Variants in FOXN3 observed in about 807,000 individuals in gnomAD.
The protein encoded by FOXN3 is forkhead box protein N3.
A neutral mutation model predicts 38.4 loss-of-function variants in FOXN3; 7 were observed. The observed-to-expected ratio is 0.18, with a 90% CI of 0.10 to 0.34. FOXN3 has a LOEUF of 0.34. Ranked by LOEUF, FOXN3 falls within the 10% of genes least tolerant of loss-of-function variation. The pLI, the probability that FOXN3 is intolerant of heterozygous loss-of-function variation, is 1.00. For missense variants in FOXN3, 456 were observed against 613.4 expected (o/e 0.74, Z 2.71); for synonymous variants, 230 against 242.2 (o/e 0.95, Z 0.47).
chr14:89,504,879 A>G (rs1893878905), intron 1 of FOXN3, among the ~76,000 whole-genome samples: 1 of 152,182 alleles, frequency 6.6e-6, no homozygotes, highest in Non-Finnish European at 1.5e-5. Context: ...CCTGATGCCC[A>G]GAGCTCTTGG....
chr14:89,210,321 C>T lies in FOXN3; in HGVS notation c.746-29515G>A, dbSNP rs530568414. ...GCCCCTCTCACCCTCCTATGAAATG[C>T]CAGCTCTCCCTTTACCTTCCTCCAT... On this transcript the variant is annotated intron_variant, in intron 4 of 5. Transcript: ENST00000557258. Among the ~76,000 whole-genome samples the T allele has an allele frequency of 2.0e-5, 3 of 152,224 alleles. No individual in the cohort carries two copies. The East Asian group carries it at 5.8e-4, about 30-fold the overall frequency.
intron 4 of FOXN3, among the ~76,000 whole-genome samples, chr14:89,202,626 T>C (rs1053875745): frequency 4.6e-5 from 7 of 152,156 alleles, no homozygotes; most frequent in Admixed American, 2.0e-4. Context: ...AGAGCTGTCC[T>C]TGTGGTCATG....
At chr14:89,574,251 A>G (rs1183376370) in intron 1 of FOXN3, among the ~76,000 whole-genome samples, 1 of 152,190 alleles carries the variant, frequency 6.6e-6, no homozygotes, top group African/African-American at 2.4e-5. Context: ...TGGGCAGCCA[A>G]CATCAGCAAC....
chr14:89,509,167 A>G (rs1200928125), intron 1 of FOXN3, among the ~76,000 whole-genome samples: 1 of 152,092 alleles, frequency 6.6e-6, no homozygotes, highest in Non-Finnish European at 1.5e-5. Context: ...CTGGCTGAGC[A>G]TCGACCTGCC....
chr14:89,608,252 T>C, intron 1 of FOXN3, among the ~76,000 whole-genome samples: 1 of 152,268 alleles, frequency 6.6e-6, no homozygotes, highest in Admixed American at 6.5e-5. Context: ...CACCTCGGCC[T>C]CCCAAAGTGC....
chr14:89,579,973 T>C (rs1462183213), intron 1 of FOXN3, among the ~76,000 whole-genome samples: 1 of 146,886 alleles, frequency 6.8e-6, no homozygotes, highest in Non-Finnish European at 1.5e-5. Flanking sequence ...TCTAACTTTA[T>C]GAGATAGATT....
chr14:89,546,329 CTT>C (rs1157998619), intron 1 of FOXN3, among the ~76,000 whole-genome samples: 13 of 78,328 alleles, frequency 1.7e-4, no homozygotes, highest in South Asian at 1.5e-3. Flanking sequence ...TTTCCTTTTT[CTT>C]TTTTTTTTTT....
intron 1 of FOXN3, among the ~76,000 whole-genome samples, chr14:89,517,896 C>A (rs1268102515): frequency 6.6e-6 from 1 of 152,198 alleles, no homozygotes; most frequent in Non-Finnish European, 1.5e-5. Flanking sequence ...CTTATTTCTT[C>A]ACTGAAGGCT....
intron 1 of FOXN3, among the ~76,000 whole-genome samples, chr14:89,494,412 C>T (rs963014275): frequency 2.0e-5 from 3 of 152,186 alleles, no homozygotes; most frequent in South Asian, 2.1e-4. Flanking sequence ...CCTGAAAATA[C>T]GGATGGCTGA....
At chr14:89,207,950 G>C (rs1888427846) in intron 4 of FOXN3, among the ~76,000 whole-genome samples, 1 of 151,994 alleles carries the variant, frequency 6.6e-6, no homozygotes, top group Non-Finnish European at 1.5e-5. Context: ...AGCGTGAGAA[G>C]CACAGCAGGC....
At chr14:89,166,619 A>G (rs1887249266) in intron 5 of FOXN3, among the ~76,000 whole-genome samples, 1 of 152,244 alleles carries the variant, frequency 6.6e-6, no homozygotes. Flanking sequence ...CAGAAAACCA[A>G]TACATCCACT....
chr14:89,611,306 C>T (rs1218127886), intron 1 of FOXN3, among the ~76,000 whole-genome samples: 2 of 152,194 alleles, frequency 1.3e-5, no homozygotes, highest in Non-Finnish European at 2.9e-5. Context: ...TATCTTAACA[C>T]CTGAGTTTGT....
At chr14:89,190,194 A>G (rs539097413) in intron 4 of FOXN3, among the ~76,000 whole-genome samples, 4 of 152,250 alleles carry the variant, frequency 2.6e-5, no homozygotes, top group Admixed American at 6.5e-5. Context: ...ACACCTATGC[A>G]TTCATTCATA....
In FOXN3 at chr14:89,439,997, A is replaced by T. The variant is rs572841238; in HGVS notation, c.-14-27507T>A. On this transcript the variant is annotated intron_variant, in intron 1 of 6. Coordinates refer to the FOXN3 transcript ENST00000345097. ...AACTTGCTTTCACTTTACTCTATGG[A>T]CTCGCCTTGAATTATTTCTTGTGCC... Among the ~76,000 whole-genome samples, 4 of 151,676 alleles carry T rather than the reference A, an allele frequency of 2.6e-5. No homozygotes were observed. The East Asian group carries it at 5.8e-4, about 22-fold the overall frequency.
intron 2 of FOXN3, among the ~76,000 whole-genome samples, chr14:89,395,639 AG>A (rs1180141445): frequency 6.6e-6 from 1 of 152,158 alleles, no homozygotes; most frequent in Non-Finnish European, 1.5e-5. Flanking sequence ...CCTGATGCCT[AG>A]CATAAGCCTG....
intron 4 of FOXN3, among the ~76,000 whole-genome samples, chr14:89,266,031 A>G (rs1885969634): frequency 6.6e-6 from 1 of 152,294 alleles, no homozygotes; most frequent in South Asian, 2.1e-4. Context: ...CAACCTTGGG[A>G]TCTTCCCAAA....
At chr14:89,171,138 AC>A (rs1887378628) in intron 5 of FOXN3, among the ~76,000 whole-genome samples, 2 of 152,310 alleles carry the variant, frequency 1.3e-5, no homozygotes, top group African/African-American at 4.8e-5. Flanking sequence ...GGACATAGTT[AC>A]AAAAGATGTT....
At chr14:89,385,241 A>G (rs1177652246) in intron 2 of FOXN3, among the ~76,000 whole-genome samples, 1 of 152,292 alleles carries the variant, frequency 6.6e-6, no homozygotes, top group East Asian at 1.9e-4. Context: ...GCCAATAAAG[A>G]ATACTGGCTA....
At chr14:89,461,143 C>T (rs914501590) in intron 1 of FOXN3, among the ~76,000 whole-genome samples, 3 of 151,784 alleles carry the variant, frequency 2.0e-5, no homozygotes, top group Admixed American at 6.6e-5. Context: ...ACCATCATGG[C>T]CAACCAACAT....
Sources: gnomAD v4.1 joint callset for allele counts (sites outside exome capture counted in the v4.1 genomes callset) on GRCh38, gnomAD v4.1.1 for gene constraint, MANE v1.5 for transcripts, NCBI Gene and HGNC (gene_info 2026-07-23, HGNC 2026-07-21) for gene names.